PHACTR1: variants seen among roughly 807,000 people sequenced by gnomAD.
The protein encoded by PHACTR1 is phosphatase and actin regulator 1, also known as RPEL repeat containing 1.
Under a neutral mutation model 69.2 loss-of-function variants are expected in PHACTR1, and 16 were observed. The observed-to-expected ratio is 0.23, with a 90% confidence interval of 0.16 to 0.35. PHACTR1 has a LOEUF of 0.35. PHACTR1 is among the 10% of genes least tolerant of loss of function. PHACTR1 has a pLI of 1.00. For missense variants in PHACTR1, 510 were observed against 734.7 expected, an observed-to-expected ratio of 0.69 and a Z score of 3.54; for synonymous variants, 312 against 284.5, an observed-to-expected ratio of 1.10 and a Z score of -0.97.
intron 5 of PHACTR1, among the ~76,000 whole-genome samples, chr6:13,138,633 C>T (rs1418757981): frequency 2.0e-5 from 3 of 152,124 alleles, no homozygotes; most frequent in African/African-American, 7.2e-5. Flanking sequence ...TGGAAAGAGA[C>T]CTCAGAGGAA....
chr6:13,175,586 G>A (rs1351745459), intron 6 of PHACTR1, among the ~76,000 whole-genome samples: 1 of 152,142 alleles, frequency 6.6e-6, no homozygotes, highest in Non-Finnish European at 1.5e-5. Context: ...AGGTTAGCAG[G>A]TCCCCCAGGA....
At chr6:13,080,469 A>T (rs1357473340) in intron 5 of PHACTR1, among the ~76,000 whole-genome samples, 1 of 152,186 alleles carries the variant, frequency 6.6e-6, no homozygotes, top group Non-Finnish European at 1.5e-5. Context: ...TAACCAACTA[A>T]ACCAATGGTG....
chr6:13,212,203 A>T (rs1044353761), intron 8 of PHACTR1, among the ~76,000 whole-genome samples: 1 of 152,154 alleles, frequency 6.6e-6, no homozygotes, highest in Non-Finnish European at 1.5e-5. Context: ...TTCCAAATAC[A>T]GTCACATTCT....
chr6:12,880,807 T>C (rs1183451921), intron 4 of PHACTR1, among the ~76,000 whole-genome samples: 1 of 152,106 alleles, frequency 6.6e-6, no homozygotes, highest in Non-Finnish European at 1.5e-5. Flanking sequence ...AGACAATAGG[T>C]AAAAGCAAAT....
In PHACTR1 at chr6:13,253,678, C is replaced by A. The variant is rs190130041; in HGVS notation, c.1392-19182C>A. Among the ~76,000 whole-genome samples, 456 of 152,320 alleles carry A rather than the reference C, an allele frequency of 3.0e-3. 1 individual carries two copies. Among genetic ancestry groups the A allele is most frequent in the African/African-American group, 0.01 (417 of 41,568 alleles). Reference sequence around the variant, plus strand: ...CCACCATCTGAATCTCAGCAAAAGACCTGCTTTAGACTCAGCAGAGCCTAA... The same window carrying A: ...CCACCATCTGAATCTCAGCAAAAGAACTGCTTTAGACTCAGCAGAGCCTAA... On this transcript the variant is annotated intron_variant, in intron 10 of 14. Coordinates refer to ENST00000332995, the MANE Select transcript of PHACTR1 (RefSeq NM_030948.6).
chr6:13,001,510 C>CT (rs1049611416), intron 4 of PHACTR1, among the ~76,000 whole-genome samples: 4 of 152,132 alleles, frequency 2.6e-5, no homozygotes, highest in African/African-American at 9.7e-5. Flanking sequence ...GATTCCAACT[C>CT]TAGTTTTTTC....
chr6:12,860,694 T>C (rs1162156561), intron 4 of PHACTR1, among the ~76,000 whole-genome samples: 1 of 152,218 alleles, frequency 6.6e-6, no homozygotes, highest in Non-Finnish European at 1.5e-5. Context: ...CCATTCTAAC[T>C]GGTATGAGAT....
Position 13,019,431 on chromosome 6 carries a change from A to G in PHACTR1, c.251-33934A>G, listed in dbSNP as rs190911204. ...CCCAGCTCCATGCTGCTCATAGCTCAACAAAGGATGTTTAACGACCTTGAA... is the reference window on the plus strand; with the variant it reads ...CCCAGCTCCATGCTGCTCATAGCTCGACAAAGGATGTTTAACGACCTTGAA... On this transcript the variant is annotated intron_variant, in intron 4 of 14. Transcript: ENST00000332995. 2.2e-3 allele frequency among the ~76,000 whole-genome samples: 330 copies of G among 152,354 alleles called. 2 individuals are homozygous for G. Among genetic ancestry groups the G allele is most frequent in the Non-Finnish European group, 4.0e-3 (270 of 68,036 alleles).
chr6:12,930,734 T>G (rs1326259833), intron 4 of PHACTR1, among the ~76,000 whole-genome samples: 7 of 152,126 alleles, frequency 4.6e-5, no homozygotes, highest in Non-Finnish European at 8.8e-5. Flanking sequence ...TCTAGACGTT[T>G]CAGCTGAATC....
At chr6:12,744,884 A>T (rs1561841668) in intron 3 of PHACTR1, among the ~76,000 whole-genome samples, 21 of 151,530 alleles carry the variant, frequency 1.4e-4, no homozygotes. Flanking sequence ...TATCTCTGGA[A>T]TTTTTTTTTA....
At chr6:13,055,864 A>G in intron 5 of PHACTR1, among the ~76,000 whole-genome samples, 1 of 152,264 alleles carries the variant, frequency 6.6e-6, no homozygotes, top group East Asian at 1.9e-4. Context: ...GGGAGAAAGA[A>G]TGGAAACATG....
At chr6:13,274,637 G>C (rs775326927) in intron 11 of PHACTR1, 4 of 152,204 alleles carry the variant, frequency 2.6e-5, no homozygotes, top group Non-Finnish European at 4.4e-5. Flanking sequence ...TTTCTGGAGA[G>C]ATCTAAAATC....
In PHACTR1 at chr6:12,901,275, A is replaced by G. The variant is rs143415904; in HGVS notation, c.250+151485A>G. Among the ~76,000 whole-genome samples the G allele has an allele frequency of 1.0e-3, 155 of 152,330 alleles. 2 individuals are homozygous for G. Among genetic ancestry groups the G allele is most frequent in the Non-Finnish European group, 1.9e-3 (126 of 68,024 alleles). On this transcript the variant is annotated intron_variant, in intron 4 of 14. Coordinates refer to ENST00000332995, the MANE Select transcript of PHACTR1 (RefSeq NM_030948.6). ...AAACATTACTACAGCCTATTTCTGT[A>G]CATAGACAGCTGCTTCTTGGCCTTC...
At chr6:13,029,540 A>G (rs1045428234) in intron 4 of PHACTR1, among the ~76,000 whole-genome samples, 3 of 152,174 alleles carry the variant, frequency 2.0e-5, no homozygotes, top group African/African-American at 7.2e-5. Context: ...GGCAAAATAC[A>G]AAGAGAAGGT....
intron 4 of PHACTR1, among the ~76,000 whole-genome samples, chr6:12,818,930 A>G (rs1775892771): frequency 1.3e-5 from 2 of 152,254 alleles, no homozygotes; most frequent in Admixed American, 1.3e-4. Flanking sequence ...AAATGCAGGC[A>G]TAGGACATGC....
At chr6:12,745,103 T>C (rs948599281) in intron 3 of PHACTR1, among the ~76,000 whole-genome samples, 2 of 152,124 alleles carry the variant, frequency 1.3e-5, no homozygotes, top group African/African-American at 4.8e-5. Context: ...TAGAAACATA[T>C]TTTGAGTAAT....
At chr6:12,890,801 C>T (rs1050557727) in intron 4 of PHACTR1, among the ~76,000 whole-genome samples, 2 of 152,134 alleles carry the variant, frequency 1.3e-5, no homozygotes, top group Non-Finnish European at 2.9e-5. Context: ...CTCTGTTTTA[C>T]TTGTTCTTTT....
chr6:12,953,483 C>T (rs1791529113), intron 4 of PHACTR1, among the ~76,000 whole-genome samples: 2 of 152,168 alleles, frequency 1.3e-5, no homozygotes, highest in Admixed American at 6.5e-5. Flanking sequence ...ATGCCTTAGC[C>T]TGTTTGCAAA....
At chr6:12,949,310 A>G (rs1311588121) in intron 4 of PHACTR1, among the ~76,000 whole-genome samples, 1 of 152,036 alleles carries the variant, frequency 6.6e-6, no homozygotes, top group African/African-American at 2.4e-5. Flanking sequence ...AGGAAAAAAA[A>G]GAAAAATGGT....
Sources: gnomAD v4.1 joint callset for allele counts (sites outside exome capture counted in the v4.1 genomes callset) on GRCh38, gnomAD v4.1.1 for gene constraint, MANE v1.5 for transcripts, NCBI Gene and HGNC (gene_info 2026-07-23, HGNC 2026-07-21) for gene names.